Variants in SP7 observed in about 807,000 individuals in gnomAD.
SP7 encodes the protein transcription factor Sp7.
Under a neutral mutation model 27.9 loss-of-function variants are expected in SP7, and 13 were observed. The ratio of observed to expected loss-of-function variants is 0.47; its 90% CI spans 0.30 to 0.74. The LOEUF (loss-of-function observed/expected upper bound fraction) is 0.74. Among genes scored for constraint, SP7 ranks in the 30% least tolerant of loss-of-function variants. The pLI is 0.06. For synonymous variants in SP7, 219 were observed against 226.7 expected, an observed-to-expected ratio of 0.97 and a Z score of 0.31; for missense variants, 525 against 558.0, an observed-to-expected ratio of 0.94 and a Z score of 0.60.
At chr12:53,337,965 C>T (rs569925684), upstream of SP7, among the ~76,000 whole-genome samples, 1 of 151,842 alleles carries the variant, frequency 6.6e-6, no homozygotes, top group South Asian at 2.1e-4. Context: ...AGATGTGTGG[C>T]TTTAAACAAC....
At chr12:53,339,338 G>T (rs942709228), upstream of SP7, among the ~76,000 whole-genome samples, 6 of 152,174 alleles carry the variant, frequency 3.9e-5, no homozygotes, top group African/African-American at 1.2e-4. Context: ...GGGCTTTGTA[G>T]GTTAGAGGGG....
chr12:53,337,256 C>T (rs1944781205), upstream of SP7, among the ~76,000 whole-genome samples: 1 of 152,206 alleles, frequency 6.6e-6, no homozygotes, highest in South Asian at 2.1e-4. Flanking sequence ...TTCCCTTTCT[C>T]ATTGCCATGC....
chr12:53,328,157 G>T lies in SP7; in HGVS notation c.1285C>A (p.Leu429Met). 1 of 1,611,130 alleles carries T rather than the reference G, an allele frequency of 6.2e-7. No homozygotes were observed. Among genetic ancestry groups the T allele is most frequent in the Non-Finnish European group, 8.5e-7 (1 of 1,179,078 alleles). The change falls in exon 3 of 3, where the codon CTG becomes ATG. Residue 429 changes from leucine to methionine, a missense_variant. Physicochemically the swap from Leu to Met is conservative, Grantham distance 15. Coordinates refer to ENST00000536324, the MANE Select transcript of SP7 (RefSeq NM_001173467.3). The surrounding 1 kb of genome is among the most constrained non-coding windows in gnomAD (Gnocchi z 5.1). The part of the protein sequence containing the change: ...PGGSPEQSNL[L>M]EI Reference sequence around the variant, plus strand: ...ACCTTCCACCCGGCTCAGATCTCCAGCAAGTTGCTCTGCTCAGGGCTGCCT... The same window carrying T: ...ACCTTCCACCCGGCTCAGATCTCCATCAAGTTGCTCTGCTCAGGGCTGCCT...
Position 53,328,888 on chromosome 12 carries a change from C to T in SP7, c.554G>A (p.Gly185Asp). 1 of 1,611,186 alleles carries T rather than the reference C, an allele frequency of 6.2e-7. No individual in the cohort carries two copies. Among genetic ancestry groups the T allele is most frequent in the Non-Finnish European group, 8.5e-7 (1 of 1,178,050 alleles). Residue 185 changes from glycine to aspartate, a missense_variant, in exon 3 of 3, where the codon GGT becomes GAT. Physicochemically the swap from Gly to Asp is moderately conservative, Grantham distance 94 (BLOSUM62 -1). Coordinates refer to ENST00000536324, the MANE Select transcript of SP7 (RefSeq NM_001173467.3). The surrounding 1 kb of genome is among the most constrained non-coding windows in gnomAD (Gnocchi z 5.1). ...GGGGTTCAGTGGAGGCTGAGCTGGA[C>T]CTGTGGGCAGTGTCCCTTGCAGCCC... is the stretch of plus-strand genomic sequence containing the variant. ...GDGLQGTLPT[G>D]PAQPPLNPQL...
chr12:53,334,170 C>T (rs1944738840), intron 2 of SP7, among the ~76,000 whole-genome samples: 1 of 152,118 alleles, frequency 6.6e-6, no homozygotes. Flanking sequence ...ATTGCAGCTA[C>T]GGGTAGACCC....
At position 53,343,191 on chromosome 12, in the gene SP7, G is replaced by GA. The variant is rs200440503; in HGVS notation, c.-34+1922dup. The stretch of plus-strand genomic sequence containing the variant: ...TGACAGAATGAGACCTTGTCTAAAA[G>GA]AAAAAAAAAAGGAAGAGTGTTGTAG... On this transcript the variant is annotated intron_variant, in intron 1 of 1. Transcript: ENST00000547755. Among the ~76,000 whole-genome samples the GA allele has an allele frequency of 5.8e-4, 84 of 143,732 alleles. 2 individuals are homozygous for GA. In the East Asian group the frequency reaches 9.1e-3, roughly 16 times the overall value. The allele number at this position is 143,732 out of a possible 152,430, so 94.3% of individuals were successfully genotyped here.
chr12:53,328,187 G>C lies in SP7; in HGVS notation c.1255C>G (p.Pro419Ala). 6.2e-7 allele frequency: 1 copy of C among 1,613,144 alleles called. No individual in the cohort carries two copies. The highest frequency in any genetic ancestry group is 8.5e-7 in the Non-Finnish European group (1 of 1,179,704). ...TTGCTCTGCTCAGGGCTGCCTCCAGGGGCTTTCTCTGGGGTTGCTGGCGAG... is the reference window on the plus strand; with the variant it reads ...TTGCTCTGCTCAGGGCTGCCTCCAGCGGCTTTCTCTGGGGTTGCTGGCGAG... ...SASPATPEKA[P>A]GGSPEQSNLL... is the part of the protein sequence containing the mutation. Residue 419 changes from proline (P) to alanine (A), a missense_variant, in exon 3 of 3, where the codon CCT (proline) becomes GCT (alanine). Transcript: ENST00000536324. This position sits in a 1 kb window ranked among gnomAD's most constrained non-coding sequence, Gnocchi z 5.1.
In SP7 at chr12:53,329,418, C is replaced by T. The variant is rs746664019; in HGVS notation, c.24G>A (p.Glu8=). ...GGGGACTGGAGCCATAGTGAACTTC[C>T]TCCTGTGGAAAGAGGGACGCACTGC... The part of the protein sequence containing the change: MASSLLE[E]EVHYGSSPLA... Residue 8 remains glutamate (E), a splice_region_variant and synonymous_variant, in exon 3 of 3, where the codon GAG becomes GAA. Coordinates refer to ENST00000536324, the MANE Select transcript of SP7 (RefSeq NM_001173467.3). 2 of 1,613,688 alleles carry T rather than the reference C, an allele frequency of 1.2e-6. No homozygotes were observed. The highest frequency in any genetic ancestry group is 1.7e-6 in the Non-Finnish European group (2 of 1,179,674).
intron 1 of SP7, among the ~76,000 whole-genome samples, chr12:53,343,381 C>T (rs1565795962): frequency 6.6e-6 from 1 of 152,112 alleles, no homozygotes; most frequent in African/African-American, 2.4e-5. Flanking sequence ...TATGAGAATA[C>T]TCGTATATTA....
upstream of SP7, among the ~76,000 whole-genome samples, chr12:53,336,747 CGTGTGT>C (rs149454831): frequency 6.7e-6 from 1 of 149,418 alleles, no homozygotes; most frequent in African/African-American, 2.5e-5. Flanking sequence ...TGTACGTGCC[CGTGTGT>C]GTGTGTGTGT....
rs554569574 is a variant in SP7, at chr12:53,342,817, AAAAT to A, written c.-34+2293_-34+2296del. ...GTGACACAGAGAGACTCCGTCTCAA[AAAAT>A]AAATAAATAAATAAATAATAAATAA... On this transcript the variant is annotated intron_variant, in intron 1 of 1. Transcript: ENST00000547755. Among the ~76,000 whole-genome samples the A allele has an allele frequency of 4.2e-3, 633 of 151,816 alleles. 3 individuals carry two copies. The highest frequency in any genetic ancestry group is 0.015 in the African/African-American group (602 of 41,468).
At chr12:53,337,993 A>C (rs570831044), upstream of SP7, among the ~76,000 whole-genome samples, 14 of 152,154 alleles carry the variant, frequency 9.2e-5, no homozygotes, top group East Asian at 1.4e-3. Flanking sequence ...ACAACAACAA[A>C]AAACAGAGCA....
At chr12:53,330,495 A>T (rs1284391580) in intron 2 of SP7, among the ~76,000 whole-genome samples, 1 of 152,142 alleles carries the variant, frequency 6.6e-6, no homozygotes, top group African/African-American at 2.4e-5. Flanking sequence ...AGTAGTTAGG[A>T]CTACAGGCAC....
chr12:53,343,443 C>G (rs908220305), intron 1 of SP7, among the ~76,000 whole-genome samples: 2 of 152,058 alleles, frequency 1.3e-5, no homozygotes, highest in African/African-American at 4.8e-5. Context: ...TAGAGCCAGG[C>G]GGTTCTGGGT....
chr12:53,339,271 A>T (rs1323378711), upstream of SP7, among the ~76,000 whole-genome samples: 1 of 152,136 alleles, frequency 6.6e-6, no homozygotes, highest in Non-Finnish European at 1.5e-5. Context: ...CAATGCCAGG[A>T]CTGGGCTGAA....
intron 1 of SP7, 124 bp from the exon 2 acceptor site, chr12:53,335,817 A>T: frequency 7.1e-7 from 1 of 1,410,090 alleles, no homozygotes; most frequent in Non-Finnish European, 9.2e-7. Flanking sequence ...GTCTGTAGGG[A>T]TCCACCCTCT....
At chr12:53,341,523 C>T (rs929332251) in intron 1 of SP7, among the ~76,000 whole-genome samples, 4 of 152,170 alleles carry the variant, frequency 2.6e-5, no homozygotes, top group Admixed American at 1.3e-4. Context: ...TTTGTAAAAA[C>T]GATACCCTAG....
intron 2 of SP7, among the ~76,000 whole-genome samples, chr12:53,335,161 C>G (rs117730162): frequency 6.6e-6 from 1 of 152,068 alleles, no homozygotes; most frequent in Non-Finnish European, 1.5e-5. Flanking sequence ...GTCTGGGCTA[C>G]GAGTCCCAGG....
intron 2 of SP7, among the ~76,000 whole-genome samples, chr12:53,330,351 C>A (rs571349138): frequency 1.3e-5 from 2 of 152,250 alleles, no homozygotes; most frequent in South Asian, 2.1e-4. Flanking sequence ...CCGCACCCAG[C>A]CAAAAAAATA....
Sources: gnomAD v4.1 joint callset for allele counts (sites outside exome capture counted in the v4.1 genomes callset) on GRCh38, gnomAD v4.1.1 for gene constraint, Gnocchi (gnomAD v3.1) non-coding constraint, MANE v1.5 for transcripts, NCBI Gene and HGNC (gene_info 2026-07-23, HGNC 2026-07-21) for gene names.